The following FAM13C variants were observed in gnomAD, a reference collection of about 807,000 sequenced individuals.
FAM13C encodes family with sequence similarity 13 member C, also known as protein FAM13C.
FAM13C carries 37 observed loss-of-function variants against 73.2 expected under a neutral mutation model. That is an observed-to-expected ratio of 0.51 (90% CI 0.39 to 0.67). FAM13C has a LOEUF of 0.67. Ranked by LOEUF, FAM13C falls within the 30% of genes least tolerant of loss-of-function variation. The pLI is 0.00. For missense variants in FAM13C, 589 were observed against 715.6 expected (o/e 0.82, Z 2.02); for synonymous variants, 246 against 260.9 (o/e 0.94, Z 0.55).
intron 3 of FAM13C, among the ~76,000 whole-genome samples, chr10:59,327,000 A>G (rs1214578464): frequency 6.6e-6 from 1 of 152,222 alleles, no homozygotes; most frequent in Non-Finnish European, 1.5e-5. Flanking sequence ...GTCTTTTAGG[A>G]AAAAAATAAT....
chr10:59,291,248 G>A (rs1360010755), intron 5 of FAM13C, among the ~76,000 whole-genome samples: 1 of 152,152 alleles, frequency 6.6e-6, no homozygotes, highest in African/African-American at 2.4e-5. Flanking sequence ...GAAGCAAGAA[G>A]GTATTGCTTC....
chr10:59,301,617 T>C (rs1333531145), intron 5 of FAM13C, among the ~76,000 whole-genome samples: 1 of 152,256 alleles, frequency 6.6e-6, no homozygotes, highest in Admixed American at 6.5e-5. Context: ...ATTTTTCTAG[T>C]CACTTATGTC....
intron 3 of FAM13C, among the ~76,000 whole-genome samples, chr10:59,325,995 T>C (rs1210623166): frequency 6.6e-6 from 1 of 152,126 alleles, no homozygotes; most frequent in African/African-American, 2.4e-5. Context: ...AAATCAAAAA[T>C]GCCCATTTTA....
intron 3 of FAM13C, among the ~76,000 whole-genome samples, chr10:59,345,884 A>T (rs1371207526): frequency 6.6e-6 from 1 of 152,218 alleles, no homozygotes; most frequent in Non-Finnish European, 1.5e-5. Flanking sequence ...GAAATAATAC[A>T]ACATGAACTA....
chr10:59,294,368 G>A (rs1004330609), intron 5 of FAM13C, among the ~76,000 whole-genome samples: 2 of 152,186 alleles, frequency 1.3e-5, no homozygotes, highest in Non-Finnish European at 2.9e-5. Flanking sequence ...CAGAGGAGCT[G>A]GGGAGATGGG....
chr10:59,310,911 A>C (rs1310448779), intron 4 of FAM13C, among the ~76,000 whole-genome samples: 3 of 152,130 alleles, frequency 2.0e-5, no homozygotes, highest in African/African-American at 7.2e-5. Context: ...GTTAAGAAGC[A>C]CTCTAGGGGA....
intron 3 of FAM13C, among the ~76,000 whole-genome samples, chr10:59,334,198 C>G (rs1260269159): frequency 3.3e-5 from 5 of 152,000 alleles, no homozygotes; most frequent in Non-Finnish European, 5.9e-5. Context: ...CTTTTAAAAA[C>G]TGGGATAAAA....
intron 3 of FAM13C, among the ~76,000 whole-genome samples, chr10:59,331,214 G>A (rs751623412): frequency 6.6e-6 from 1 of 152,182 alleles, no homozygotes; most frequent in Non-Finnish European, 1.5e-5. Flanking sequence ...TGCTACAATA[G>A]GATAAGGACA....
At chr10:59,281,828 T>C (rs545888452) in intron 6 of FAM13C, among the ~76,000 whole-genome samples, 2 of 152,336 alleles carry the variant, frequency 1.3e-5, no homozygotes, top group East Asian at 3.9e-4. Context: ...ACAAATATTT[T>C]ACTGAACACT....
intron 9 of FAM13C, among the ~76,000 whole-genome samples, chr10:59,263,209 T>C (rs1174147301): frequency 1.3e-5 from 2 of 152,154 alleles, no homozygotes; most frequent in Admixed American, 1.3e-4. Flanking sequence ...TATATAAACC[T>C]AGATAATTAA....
intron 3 of FAM13C, among the ~76,000 whole-genome samples, chr10:59,347,612 T>G (rs1854483376): frequency 6.6e-6 from 1 of 152,082 alleles, no homozygotes; most frequent in Admixed American, 6.6e-5. Flanking sequence ...CGTGCCTTGG[T>G]GTCTTGCTGC....
chr10:59,268,226 A>AAAGAAGAAGAAGAAG (rs61116802), intron 8 of FAM13C, among the ~76,000 whole-genome samples: 4 of 151,108 alleles, frequency 2.6e-5, no homozygotes, highest in African/African-American at 9.8e-5. Context: ...GAAAAAAGAA[A>AAAGAAGAAGAAGAAG]AAGAAGAAGA....
chr10:59,337,928 C>A (rs1589672761), intron 3 of FAM13C, among the ~76,000 whole-genome samples: 1 of 151,990 alleles, frequency 6.6e-6, no homozygotes, highest in Non-Finnish European at 1.5e-5. Flanking sequence ...AATCCACCCA[C>A]CTCAGCCTCC....
At chr10:59,343,419 A>G (rs960636927) in intron 3 of FAM13C, among the ~76,000 whole-genome samples, 2 of 103,702 alleles carry the variant, frequency 1.9e-5, no homozygotes, top group African/African-American at 5.6e-5. Context: ...AAAAAGACCA[A>G]TTAACTTCAT....
intron 4 of FAM13C, among the ~76,000 whole-genome samples, chr10:59,308,047 C>T (rs772801742): frequency 3.3e-5 from 5 of 152,140 alleles, no homozygotes; most frequent in Non-Finnish European, 5.9e-5. Flanking sequence ...CACAAAAACT[C>T]GGTCACACTG....
chr10:59,347,519 T>TC (rs1021759332), intron 3 of FAM13C, among the ~76,000 whole-genome samples: 4 of 134,010 alleles, frequency 3.0e-5, no homozygotes, highest in Non-Finnish European at 3.3e-5. Context: ...CCCACACCTA[T>TC]TTTTTTTTTT....
chr10:59,314,394 A>T (rs1233289906), intron 4 of FAM13C, among the ~76,000 whole-genome samples: 4 of 152,212 alleles, frequency 2.6e-5, no homozygotes, highest in South Asian at 2.1e-4. Flanking sequence ...TCCATCACAC[A>T]TCTGAAGAAA....
intron 3 of FAM13C, among the ~76,000 whole-genome samples, chr10:59,345,019 A>G (rs923938998): frequency 6.6e-6 from 1 of 152,176 alleles, no homozygotes; most frequent in African/African-American, 2.4e-5. Context: ...CTTTGGAACT[A>G]TATAGGAAAA....
intron 10 of FAM13C, among the ~76,000 whole-genome samples, chr10:59,257,721 TATC>T (rs1478476239): frequency 6.6e-6 from 1 of 152,190 alleles, no homozygotes; most frequent in African/African-American, 2.4e-5. Flanking sequence ...TACTGGATAT[TATC>T]ATAGAAAGCA....
Sources: gnomAD v4.1 joint callset for allele counts (sites outside exome capture counted in the v4.1 genomes callset) on GRCh38, gnomAD v4.1.1 for gene constraint, MANE v1.5 for transcripts, NCBI Gene and HGNC (gene_info 2026-07-23, HGNC 2026-07-21) for gene names.